STAB2: variants seen among roughly 807,000 people sequenced by gnomAD.
STAB2 encodes the protein stabilin-2.
STAB2 carries 288 observed loss-of-function variants against 338.1 expected under a neutral mutation model. The observed-to-expected ratio is 0.85, with a 90% CI of 0.77 to 0.94. STAB2 has a LOEUF of 0.94. STAB2 is among the 40% of genes least tolerant of loss of function. The pLI is 0.00. For missense variants in STAB2, 3,141 were observed against 3,210.1 expected (o/e 0.98, Z 0.52); for synonymous variants, 1,202 against 1,193.3 (o/e 1.01, Z -0.15).
chr12:103,761,012 G>C (rs376913367), intron 65 of STAB2, among the ~76,000 whole-genome samples: 2 of 132,180 alleles, frequency 1.5e-5, no homozygotes, highest in African/African-American at 5.7e-5. Context: ...GCTACTTCCT[G>C]GGTGATCTGG....
In STAB2 at chr12:103,660,352, C is replaced by T. The variant is rs1352511773; in HGVS notation, c.1756C>T (p.Leu586Phe). ...SPEGSRKLLE[L>F]VRYHIVPFTQ... ...GCAGGGATCTCGGAAGCTTCTGGAA[C>T]TCGTCAGATACCACATTGTCCCATT... The change falls in exon 16 of 69, where the codon CTC (leucine) becomes TTC (phenylalanine). Residue 586 changes from leucine to phenylalanine, a missense_variant. Physicochemically the swap from Leu to Phe is conservative, Grantham distance 22. Transcript: ENST00000388887. 9 of 1,614,056 alleles carry T rather than the reference C, an allele frequency of 5.6e-6. No homozygotes were observed. Among genetic ancestry groups the T allele is most frequent in the Non-Finnish European group, 7.6e-6 (9 of 1,180,042 alleles).
At chr12:103,658,340 G>A (rs957323787) in intron 15 of STAB2, among the ~76,000 whole-genome samples, 1 of 152,116 alleles carries the variant, frequency 6.6e-6, no homozygotes, top group Admixed American at 6.6e-5. Context: ...GACAGCTCCT[G>A]GAAACCTACC....
Position 103,631,697 on chromosome 12 carries a change from A to G in STAB2, c.583+4A>G. ...ACTGGCCCCAAGTGTGACAAGCGTAAGTACTGCTAGTTCCCTTAATGCCAC... is the reference window on the plus strand; with the variant it reads ...ACTGGCCCCAAGTGTGACAAGCGTAGGTACTGCTAGTTCCCTTAATGCCAC... On this transcript the variant is annotated splice_donor_region_variant and intron_variant, in intron 6 of 68. Coordinates refer to ENST00000388887, the MANE Select transcript of STAB2 (RefSeq NM_017564.10). The G allele has an allele frequency of 6.2e-7, 1 of 1,613,830 alleles. No homozygotes were observed. Among genetic ancestry groups the G allele is most frequent in the Non-Finnish European group, 8.5e-7 (1 of 1,179,678 alleles).
At position 103,662,948 on chromosome 12, in the gene STAB2, G is replaced by T. The variant is rs1874749401; in HGVS notation, c.1972G>T (p.Val658Phe). The change falls in exon 18 of 69, where the codon GTC becomes TTC. Residue 658 changes from valine (V) to phenylalanine (F), a missense_variant. Physicochemically the swap from Val to Phe is conservative, Grantham distance 50 (BLOSUM62 -1). Coordinates refer to ENST00000388887, the MANE Select transcript of STAB2 (RefSeq NM_017564.10). ...AGGAGTTCTCATTCCTCCCTCCATTGTCCCGATTCTGCCCCATCGATGTGA... is the reference window on the plus strand; with the variant it reads ...AGGAGTTCTCATTCCTCCCTCCATTTTCCCGATTCTGCCCCATCGATGTGA... ...LTGVLIPPSI[V>F]PILPHRCDET... 1 of 1,613,998 alleles carries T rather than the reference G, an allele frequency of 6.2e-7. No individual in the cohort carries two copies. Among genetic ancestry groups the T allele is most frequent in the East Asian group, 2.2e-5 (1 of 44,896 alleles).
At chr12:103,613,098 C>T (rs982810309) in intron 3 of STAB2, among the ~76,000 whole-genome samples, 1 of 152,202 alleles carries the variant, frequency 6.6e-6, no homozygotes, top group African/African-American at 2.4e-5. Flanking sequence ...TCTGCCCCTA[C>T]TGGGTGGTGC....
rs1879559428 is a variant in STAB2 at position 103,708,456 on chromosome 12, ATGGGAGATGCAACCAAGGACCCT to A, written c.4218_4240del (p.Cys1406TrpfsTer4). Reference sequence around the variant, plus strand: ...TCCCACTTAGCATGTTCTTGTGTCCATGGGAGATGCAACCAAGGACCCTTGGGAGATGGCTCCTGTGACTGTGA... The same window carrying A: ...TCCCACTTAGCATGTTCTTGTGTCCATGGGAGATGGCTCCTGTGACTGTGA... On this transcript the variant is annotated frameshift_variant, in exon 39 of 69. Transcript: ENST00000388887. LOFTEE classifies it high-confidence loss of function. 1.2e-6 allele frequency: 2 copies of A among 1,614,142 alleles called. No homozygotes were observed. The highest frequency in any genetic ancestry group is 2.2e-5 in the East Asian group (1 of 44,884).
chr12:103,746,490 C>G, intron 57 of STAB2, 107 bp from the exon 58 acceptor site: 1 of 1,015,928 alleles, frequency 9.8e-7, no homozygotes, highest in Non-Finnish European at 1.5e-6. Context: ...TACAGGGGCA[C>G]TTATGAACAC....
chr12:103,703,547 G>C (rs1246634635), intron 35 of STAB2, among the ~76,000 whole-genome samples: 4 of 152,050 alleles, frequency 2.6e-5, no homozygotes, highest in Non-Finnish European at 5.9e-5. Context: ...TGGGGATGGT[G>C]GGGGGGAGTG....
chr12:103,718,825 T>A (rs1880533005), intron 44 of STAB2, among the ~76,000 whole-genome samples: 1 of 151,896 alleles, frequency 6.6e-6, no homozygotes, highest in Non-Finnish European at 1.5e-5. Flanking sequence ...GACTCTAGGG[T>A]TTTCGGTTGG....
At chr12:103,611,070 T>C (rs926644927) in intron 3 of STAB2, among the ~76,000 whole-genome samples, 1 of 152,212 alleles carries the variant, frequency 6.6e-6, no homozygotes, top group Non-Finnish European at 1.5e-5. Context: ...TTATAATTTC[T>C]GTTCTTTTAC....
At position 103,668,647 on chromosome 12, in the gene STAB2, T is replaced by G. The variant is rs1372538030; in HGVS notation, c.2090T>G (p.Leu697Arg). The part of the protein sequence containing the change: ...RCPANSEPTA[L>R]FTHRCVYSGR... ...TCCCTCCTTGGCTTTCTCCAGGCAC[T>G]CTTCACACACAGATGTGTCTACAGT... The change falls in exon 20 of 69, where the codon CTC (leucine) becomes CGC (arginine). Residue 697 changes from leucine (L) to arginine (R), a missense_variant. Physicochemically the swap from Leu to Arg is moderately radical, Grantham distance 102 (BLOSUM62 -2). Coordinates refer to ENST00000388887, the MANE Select transcript of STAB2 (RefSeq NM_017564.10). 3.9e-6 allele frequency: 6 copies of G among 1,551,866 alleles called. No homozygotes were observed. In the South Asian group the frequency reaches 7.1e-5, roughly 18 times the overall value.
chr12:103,613,540 G>T (rs183257731), intron 3 of STAB2, among the ~76,000 whole-genome samples: 1 of 152,200 alleles, frequency 6.6e-6, no homozygotes, highest in African/African-American at 2.4e-5. Flanking sequence ...CTGGAAAAGC[G>T]CAGTATCAGG....
intron 5 of STAB2, among the ~76,000 whole-genome samples, chr12:103,628,049 A>G (rs1957407103): frequency 6.6e-6 from 1 of 152,168 alleles, no homozygotes; most frequent in Non-Finnish European, 1.5e-5. Flanking sequence ...TCCTCACCCC[A>G]CTTATCTCCA....
chr12:103,729,479 A>T (rs1881469062), intron 48 of STAB2, among the ~76,000 whole-genome samples: 1 of 152,194 alleles, frequency 6.6e-6, no homozygotes, highest in Admixed American at 6.5e-5. Context: ...GGCACTTAGT[A>T]TTTGATGTGT....
At chr12:103,616,883 G>A (rs1404071046) in intron 3 of STAB2, among the ~76,000 whole-genome samples, 1 of 152,212 alleles carries the variant, frequency 6.6e-6, no homozygotes, top group African/African-American at 2.4e-5. Context: ...TCAACAATAT[G>A]AGTGAACTCA....
intron 3 of STAB2, among the ~76,000 whole-genome samples, chr12:103,608,243 A>G (rs892353396): frequency 6.6e-6 from 1 of 152,024 alleles, no homozygotes; most frequent in African/African-American, 2.4e-5. Context: ...GGTTCACGCC[A>G]TTCTCCTGCC....
In STAB2 at chr12:103,737,624, TCTTTC is replaced by T. The variant is rs756157327; in HGVS notation, c.5551-9_5551-5del. The T allele has an allele frequency of 2.2e-6, 3 of 1,385,592 alleles. No individual in the cohort carries two copies. 85.8% of individuals were successfully genotyped at this position (1,385,592 alleles called of 1,614,324 possible). On this transcript the variant is annotated splice_region_variant and splice_polypyrimidine_tract_variant and intron_variant, in intron 52 of 68. Transcript: ENST00000388887. ...TCTTTCTCTTTTTTTTTTTTTTTTT[TCTTTC>T]TTAGGGTGACCTCTTTCTGAATGGC...
intron 30 of STAB2, among the ~76,000 whole-genome samples, chr12:103,692,008 A>G (rs1462525363): frequency 1.3e-5 from 2 of 152,230 alleles, no homozygotes; most frequent in African/African-American, 2.4e-5. Flanking sequence ...GTCAATTACC[A>G]TCTGTATTAG....
At chr12:103,617,307 A>G (rs1246557428) in intron 3 of STAB2, among the ~76,000 whole-genome samples, 4 of 152,234 alleles carry the variant, frequency 2.6e-5, no homozygotes, top group Non-Finnish European at 5.9e-5. Flanking sequence ...AAGATCTTAG[A>G]TGGTCGGATT....
Sources: gnomAD v4.1 joint callset for allele counts (sites outside exome capture counted in the v4.1 genomes callset) on GRCh38, gnomAD v4.1.1 for gene constraint, MANE v1.5 for transcripts, NCBI Gene and HGNC (gene_info 2026-07-23, HGNC 2026-07-21) for gene names.